The following CSMD3 variants were observed in gnomAD, a reference collection of about 807,000 sequenced individuals.
CSMD3 encodes CUB and Sushi multiple domains 3, also known as CUB and sushi domain-containing protein 3.
Under a neutral mutation model 435.2 loss-of-function variants are expected in CSMD3, and 177 were observed. The observed-to-expected ratio is 0.41, with a 90% CI of 0.36 to 0.46. The LOEUF is 0.46. Among genes scored for constraint, CSMD3 ranks in the 20% least tolerant of loss-of-function variants. The pLI, the probability that CSMD3 is intolerant of heterozygous loss-of-function variation, is 0.34. For synonymous variants in CSMD3, 1,656 were observed against 1,520.5 expected (o/e 1.09, Z -2.07); for missense variants, 4,265 against 4,504.6 (o/e 0.95, Z 1.52).
At chr8:112,339,650 C>A (rs1238449377) in intron 42 of CSMD3, among the ~76,000 whole-genome samples, 1 of 152,114 alleles carries the variant, frequency 6.6e-6, no homozygotes, top group Non-Finnish European at 1.5e-5. Context: ...ACCTAATAAT[C>A]TTGTCAGTAA....
intron 6 of CSMD3, among the ~76,000 whole-genome samples, chr8:113,012,151 A>G (rs1190762941): frequency 1.3e-5 from 2 of 151,890 alleles, no homozygotes; most frequent in Non-Finnish European, 2.9e-5. Flanking sequence ...AAACTCAGTA[A>G]ATAAAAGTAG....
chr8:112,915,826 T>A (rs1392492800), intron 10 of CSMD3, among the ~76,000 whole-genome samples: 1 of 151,846 alleles, frequency 6.6e-6, no homozygotes, highest in Non-Finnish European at 1.5e-5. Context: ...TTTATTAAAA[T>A]TTTTAAAAAT....
intron 4 of CSMD3, among the ~76,000 whole-genome samples, chr8:113,100,238 A>T (rs560972219): frequency 3.3e-5 from 5 of 152,174 alleles, no homozygotes; most frequent in Non-Finnish European, 5.9e-5. Context: ...TATATTTTTT[A>T]AAAATTTTAT....
At chr8:113,238,904 T>C (rs149285448) in intron 3 of CSMD3, among the ~76,000 whole-genome samples, 1 of 152,166 alleles carries the variant, frequency 6.6e-6, no homozygotes, top group African/African-American at 2.4e-5. Flanking sequence ...GATTCCAAGA[T>C]ACTTGGTCAA....
chr8:112,700,222 T>G (rs760240265), intron 13 of CSMD3, among the ~76,000 whole-genome samples: 1 of 152,138 alleles, frequency 6.6e-6, no homozygotes, highest in Non-Finnish European at 1.5e-5. Context: ...TAGAGTCAGC[T>G]GGGCATGGTG....
rs371886708 is a variant in CSMD3, at chr8:112,292,517, G to A, written c.8788+20C>T. 1.4e-5 allele frequency: 23 copies of A among 1,610,414 alleles called. 1 individual carries two copies. The African/African-American group carries it at 2.0e-4, about 14-fold the overall frequency. ...ATATTATTATCATGCCACCAAATGGGAATATACTTAGACATTTACCTTTGC... is the reference window on the plus strand; with the variant it reads ...ATATTATTATCATGCCACCAAATGGAAATATACTTAGACATTTACCTTTGC... On this transcript the variant is annotated intron_variant, in intron 55 of 70. Transcript: ENST00000297405.
intron 12 of CSMD3, among the ~76,000 whole-genome samples, chr8:112,811,658 G>A (rs1193380534): frequency 2.6e-5 from 4 of 152,140 alleles, no homozygotes; most frequent in Non-Finnish European, 5.9e-5. Flanking sequence ...AAAGGGTGAG[G>A]TTTCTCTTTT....
chr8:112,947,209 A>G (rs577952495), intron 9 of CSMD3, among the ~76,000 whole-genome samples: 1 of 151,854 alleles, frequency 6.6e-6, no homozygotes, highest in Admixed American at 6.6e-5. Flanking sequence ...TTTGATAGTT[A>G]TGTAAATTAA....
intron 47 of CSMD3, among the ~76,000 whole-genome samples, chr8:112,317,967 GA>G (rs1457795641): frequency 3.3e-5 from 5 of 152,058 alleles, no homozygotes. Context: ...CAACATTTAT[GA>G]TAATTGTGTG....
At chr8:112,471,256 G>A (rs1818494703) in intron 32 of CSMD3, among the ~76,000 whole-genome samples, 1 of 152,132 alleles carries the variant, frequency 6.6e-6, no homozygotes. Context: ...GAGCCATGAA[G>A]TTTTCTGGAT....
intron 13 of CSMD3, among the ~76,000 whole-genome samples, chr8:112,701,283 A>AT (rs2076383364): frequency 6.6e-6 from 1 of 152,084 alleles, no homozygotes; most frequent in African/African-American, 2.4e-5. Context: ...GACATTAGTG[A>AT]TTTTTTTGAA....
At chr8:113,044,980 T>C (rs906619286) in intron 5 of CSMD3, among the ~76,000 whole-genome samples, 2 of 149,126 alleles carry the variant, frequency 1.3e-5, no homozygotes, top group Non-Finnish European at 3.0e-5. Flanking sequence ...AGCTCAAATG[T>C]CACTTTTTCA....
intron 17 of CSMD3, among the ~76,000 whole-genome samples, chr8:112,663,303 G>T (rs1488016475): frequency 3.3e-5 from 5 of 152,122 alleles, no homozygotes; most frequent in Admixed American, 6.5e-5. Context: ...ATACTATGCA[G>T]CCATAAAAAA....
intron 3 of CSMD3, among the ~76,000 whole-genome samples, chr8:113,259,538 C>A (rs2093410132): frequency 6.6e-6 from 1 of 152,024 alleles, no homozygotes; most frequent in Admixed American, 6.6e-5. Flanking sequence ...ATTTTAGAGA[C>A]TGGTGTAGAT....
At chr8:113,330,492 C>T (rs2094019109) in intron 1 of CSMD3, among the ~76,000 whole-genome samples, 1 of 151,752 alleles carries the variant, frequency 6.6e-6, no homozygotes, top group Admixed American at 6.6e-5. Context: ...ATGGAATAAA[C>T]ACTCCAATTA....
At chr8:113,264,690 CATAA>C (rs2093454003) in intron 3 of CSMD3, among the ~76,000 whole-genome samples, 2 of 151,504 alleles carry the variant, frequency 1.3e-5, no homozygotes, top group South Asian at 4.2e-4. Flanking sequence ...TCATTAAAAT[CATAA>C]ATAATTTCGT....
chr8:112,753,926 T>C (rs573108574), intron 13 of CSMD3, among the ~76,000 whole-genome samples: 30 of 152,156 alleles, frequency 2.0e-4, no homozygotes, highest in Non-Finnish European at 3.7e-4. Context: ...AAGAAGTTAA[T>C]ACAAATTGCC....
intron 22 of CSMD3, among the ~76,000 whole-genome samples, chr8:112,608,584 C>CTATA (rs142309902): frequency 2.2e-3 from 331 of 149,146 alleles, no homozygotes; most frequent in African/African-American, 7.7e-3. Flanking sequence ...GGCATGAAAA[C>CTATA]TATATATATA....
intron 3 of CSMD3, among the ~76,000 whole-genome samples, chr8:113,242,061 T>C (rs1162885963): frequency 6.6e-6 from 1 of 151,438 alleles, no homozygotes; most frequent in Non-Finnish European, 1.5e-5. Context: ...TAGTTTGACT[T>C]TTTCCCAAGG....
Sources: gnomAD v4.1 joint callset for allele counts (sites outside exome capture counted in the v4.1 genomes callset) on GRCh38, gnomAD v4.1.1 for gene constraint, MANE v1.5 for transcripts, NCBI Gene and HGNC (gene_info 2026-07-23, HGNC 2026-07-21) for gene names.